The following IFT43 variants were observed in gnomAD, a reference collection of about 807,000 sequenced individuals.
IFT43 encodes the protein intraflagellar transport 43, also known as intraflagellar transport protein 43 homolog.
In IFT43, 33 loss-of-function variants were observed where a neutral mutation model predicts 32.3. That is an observed-to-expected ratio of 1.02 (90% CI 0.77 to 1.37). The LOEUF is 1.37. Among genes scored for constraint, IFT43 ranks in the 40% most tolerant of loss-of-function variants. IFT43 has a pLI of 0.00. For missense variants in IFT43, 274 were observed against 265.9 expected, an observed-to-expected ratio of 1.03 and a Z score of -0.21; for synonymous variants, 93 against 98.2, an observed-to-expected ratio of 0.95 and a Z score of 0.31.
chr14:76,079,919 G>T (rs1441097806), intron 5 of IFT43, among the ~76,000 whole-genome samples: 1 of 151,662 alleles, frequency 6.6e-6, no homozygotes, highest in African/African-American at 2.4e-5. Context: ...TTCGTTCATG[G>T]TATACGTGAG....
chr14:76,059,242 G>T lies in IFT43; in HGVS notation c.249-85G>T, dbSNP rs1267832923. The T allele has an allele frequency of 8.1e-6, 13 of 1,611,356 alleles. No homozygotes were observed. In the East Asian group the frequency reaches 8.9e-5, roughly 11 times the overall value. On this transcript the variant is annotated intron_variant, in intron 4 of 8. Coordinates refer to ENST00000314067, the MANE Select transcript of IFT43 (RefSeq NM_001102564.3). ...CAGGGACATTTTCATCTAGGAGAAA[G>T]AATGGATACAATAAACATTTGGGAT...
intron 1 of IFT43, among the ~76,000 whole-genome samples, chr14:75,987,426 A>G (rs764365494): frequency 1.3e-5 from 2 of 152,230 alleles, no homozygotes; most frequent in Non-Finnish European, 2.9e-5. Context: ...TGGGGCAGTC[A>G]GTCCTTAGAA....
chr14:76,076,523 T>A, intron 5 of IFT43: 1 of 1,596,576 alleles, frequency 6.3e-7, no homozygotes, highest in Non-Finnish European at 8.5e-7. Context: ...ATACTCCAGG[T>A]GAAGAGCTGG....
intron 5 of IFT43, among the ~76,000 whole-genome samples, chr14:76,070,343 A>C (rs1178519234): frequency 6.6e-6 from 1 of 152,160 alleles, no homozygotes; most frequent in African/African-American, 2.4e-5. Flanking sequence ...CTTCTTCTTC[A>C]AACAGCAGAG....
At chr14:76,061,645 A>G (rs1294346264) in intron 5 of IFT43, among the ~76,000 whole-genome samples, 1 of 152,078 alleles carries the variant, frequency 6.6e-6, no homozygotes, top group Non-Finnish European at 1.5e-5. Flanking sequence ...TTTCAGTTCT[A>G]GAAGCTCCAT....
At chr14:76,033,742 A>T (rs1233110643) in intron 3 of IFT43, among the ~76,000 whole-genome samples, 1 of 152,204 alleles carries the variant, frequency 6.6e-6, no homozygotes, top group Non-Finnish European at 1.5e-5. Context: ...AGAGTGGAAG[A>T]TATACTTCCT....
Position 76,045,654 on chromosome 14 carries a change from C to T in IFT43, c.216-12988C>T, listed in dbSNP as rs375541787. Reference sequence around the variant, plus strand: ...GCGTGTGGGCCTTTGTCACCATGCTCGTGCCTCCTGGTTGTGGGATGGCTG... The same window carrying T: ...GCGTGTGGGCCTTTGTCACCATGCTTGTGCCTCCTGGTTGTGGGATGGCTG... On this transcript the variant is annotated intron_variant, in intron 3 of 8. Coordinates refer to ENST00000314067, the MANE Select transcript of IFT43 (RefSeq NM_001102564.3). Among the ~76,000 whole-genome samples, 123 of 152,318 alleles carry T rather than the reference C, an allele frequency of 8.1e-4. 3 individuals carry two copies. The South Asian group carries it at 0.023, about 28-fold the overall frequency.
chr14:76,059,578 G>C lies in IFT43; in HGVS notation c.295+205G>C, dbSNP rs987030209. ...TCTCCCTTCTTTATCTGATAACCCT[G>C]CTTATCCTTCAAAAGGTCAGCCAAA... On this transcript the variant is annotated intron_variant, in intron 5 of 8. Transcript: ENST00000314067. 3 of 586,252 alleles carry C rather than the reference G, an allele frequency of 5.1e-6. No individual in the cohort carries two copies. In the African/African-American group the frequency reaches 5.6e-5, roughly 11 times the overall value. 36.3% of individuals were successfully genotyped at this position (586,252 alleles called of 1,614,324 possible).
Position 76,022,368 on chromosome 14 carries a change from G to T in IFT43, c.189G>T (p.Trp63Cys). The T allele has an allele frequency of 6.2e-7, 1 of 1,612,850 alleles. No homozygotes were observed. Among genetic ancestry groups the T allele is most frequent in the Non-Finnish European group, 8.5e-7 (1 of 1,178,902 alleles). ...TACCTCGCTGCCGACAGGGAGGCTG[G>T]GCAGGTGATTCCGTGAAGGCTTCGA... ...AKLPRCRQGG[W>C]AGDSVKASKF... is the part of the protein sequence containing the mutation. Residue 63 changes from tryptophan to cysteine, a missense_variant, in exon 3 of 9, where the codon TGG (tryptophan) becomes TGT (cysteine). Coordinates refer to ENST00000314067, the MANE Select transcript of IFT43 (RefSeq NM_001102564.3).
chr14:75,996,142 C>G (rs117874013), intron 2 of IFT43, among the ~76,000 whole-genome samples: 2 of 152,222 alleles, frequency 1.3e-5, no homozygotes, highest in Non-Finnish European at 2.9e-5. Context: ...AGATTCTCCT[C>G]CTCGCCTATG....
intron 3 of IFT43, among the ~76,000 whole-genome samples, chr14:76,056,517 G>A (rs1057071106): frequency 1.3e-5 from 2 of 152,160 alleles, no homozygotes; most frequent in African/African-American, 2.4e-5. Flanking sequence ...AGACAGAATC[G>A]CCACTGGTTT....
At chr14:75,996,531 T>C (rs1157908819) in intron 2 of IFT43, among the ~76,000 whole-genome samples, 1 of 152,260 alleles carries the variant, frequency 6.6e-6, no homozygotes, top group Non-Finnish European at 1.5e-5. Context: ...ATATTCATAT[T>C]TCATAGACTA....
At chr14:76,084,052 G>A (rs569076151), downstream of IFT43, 19 of 449,488 alleles carry the variant, frequency 4.2e-5, no homozygotes, top group Non-Finnish European at 6.3e-5. Flanking sequence ...GCAGCGGAGG[G>A]AGGAGGCGGC....
In IFT43 at chr14:75,989,377, C is replaced by T. The variant is rs960791954; in HGVS notation, c.147+400C>T. Among the ~76,000 whole-genome samples the T allele has an allele frequency of 3.9e-5, 6 of 151,994 alleles. No homozygotes were observed. In the East Asian group the frequency reaches 5.8e-4, roughly 15 times the overall value. On this transcript the variant is annotated intron_variant, in intron 2 of 8. Transcript: ENST00000314067. ...GTGACCTGCGCTTTCTACAGTCTTC[C>T]GGCAGGAAGCAGATCATTTACTGGC...
chr14:76,058,384 A>T, intron 3 of IFT43: 1 of 424,992 alleles, frequency 2.4e-6, no homozygotes, highest in Non-Finnish European at 4.4e-6. Flanking sequence ...TTGAATTTTA[A>T]GCCACTCGCT....
At chr14:76,027,333 A>ACCCCCC (rs56836132) in intron 3 of IFT43, among the ~76,000 whole-genome samples, 2 of 124,524 alleles carry the variant, frequency 1.6e-5, no homozygotes, top group South Asian at 2.6e-4. Flanking sequence ...CTTCCCCAAC[A>ACCCCCC]CCCCCCACAC....
intron 2 of IFT43, among the ~76,000 whole-genome samples, chr14:75,994,125 G>T (rs547382104): frequency 1.5e-3 from 219 of 150,972 alleles, no homozygotes; most frequent in African/African-American, 5.0e-3. Context: ...TGTAGCCCTG[G>T]GTATGAAGAG....
At chr14:76,076,035 A>G (rs1453343372) in intron 5 of IFT43, among the ~76,000 whole-genome samples, 3 of 152,208 alleles carry the variant, frequency 2.0e-5, no homozygotes, top group Non-Finnish European at 4.4e-5. Flanking sequence ...CAGCATGTCC[A>G]GATCGCTTTC....
At chr14:76,018,040 A>T (rs1261169081) in intron 2 of IFT43, among the ~76,000 whole-genome samples, 11 of 150,296 alleles carry the variant, frequency 7.3e-5, no homozygotes, top group Admixed American at 2.0e-4. Flanking sequence ...TTAAGTCTCT[A>T]TTTTGTTTAG....
Sources: gnomAD v4.1 joint callset for allele counts (sites outside exome capture counted in the v4.1 genomes callset) on GRCh38, gnomAD v4.1.1 for gene constraint, MANE v1.5 for transcripts, NCBI Gene and HGNC (gene_info 2026-07-23, HGNC 2026-07-21) for gene names.